RNF150: variants seen among roughly 807,000 people sequenced by gnomAD.
The protein encoded by RNF150 is ring finger protein 150.
A neutral mutation model predicts 39.3 loss-of-function variants in RNF150; 24 were observed. That is an observed-to-expected ratio of 0.61 (90% CI 0.44 to 0.86). The LOEUF (loss-of-function observed/expected upper bound fraction) is 0.86, where lower values mean the gene tolerates loss of function less well. Ranked by LOEUF, RNF150 falls within the 40% of genes least tolerant of loss-of-function variation. The probability of loss-of-function intolerance (pLI) is 0.00; values close to 1 mark genes in which losing one functional copy is unlikely to be tolerated. For missense variants in RNF150, 502 were observed against 587.8 expected (o/e 0.85, Z 1.51); for synonymous variants, 255 against 227.3 (o/e 1.12, Z -1.10).
intron 1 of RNF150, among the ~76,000 whole-genome samples, chr4:141,029,436 G>A (rs1436443139): frequency 6.6e-6 from 1 of 152,132 alleles, no homozygotes; most frequent in African/African-American, 2.4e-5. Flanking sequence ...TTCAACTCTT[G>A]TTCAGTTTAT....
At chr4:141,166,022 G>T (rs1046415962) in intron 1 of RNF150, among the ~76,000 whole-genome samples, 3 of 151,908 alleles carry the variant, frequency 2.0e-5, no homozygotes, top group African/African-American at 7.3e-5. Flanking sequence ...CTAGTTTTTT[G>T]AAAAGATTAA....
intron 1 of RNF150, among the ~76,000 whole-genome samples, chr4:141,042,069 C>A (rs2110861331): frequency 6.6e-6 from 1 of 152,068 alleles, no homozygotes; most frequent in South Asian, 2.1e-4. Flanking sequence ...AATATAAAAT[C>A]ATCAGTAAAA....
chr4:140,863,604 A>G lies in RNF150; in HGVS notation c.*4657T>C, dbSNP rs1045118456. ...TTGCAAGAGAGAAAACAAATCAGAA[A>G]AAAAGGGGAAGAGAGAAGATGGGAA... On this transcript the variant is annotated 3_prime_UTR_variant, in exon 7 of 7. Transcript: ENST00000515673. 6.6e-6 allele frequency: 1 copy of G among 152,266 alleles called. No individual in the cohort carries two copies. The highest frequency in any genetic ancestry group is 2.1e-4 in the South Asian group (1 of 4,834). 9.4% of individuals were successfully genotyped at this position (152,266 alleles called of 1,614,324 possible).
chr4:140,908,321 A>T, intron 6 of RNF150, among the ~76,000 whole-genome samples: 1 of 152,242 alleles, frequency 6.6e-6, no homozygotes, highest in East Asian at 1.9e-4. Context: ...AACCATTAAC[A>T]AATAACCAGA....
intron 1 of RNF150, among the ~76,000 whole-genome samples, chr4:141,192,437 T>C (rs1706364322): frequency 6.6e-6 from 1 of 152,222 alleles, no homozygotes; most frequent in Admixed American, 6.5e-5. Flanking sequence ...GGTAGACAGA[T>C]ATTATACAAA....
intron 2 of RNF150, among the ~76,000 whole-genome samples, chr4:140,956,430 T>A (rs971463658): frequency 1.3e-5 from 2 of 152,142 alleles, no homozygotes; most frequent in Non-Finnish European, 2.9e-5. Flanking sequence ...GAGTCTGTCA[T>A]GAATCTGGCC....
intron 1 of RNF150, among the ~76,000 whole-genome samples, chr4:141,149,349 C>A: frequency 6.6e-6 from 1 of 150,424 alleles, no homozygotes; most frequent in East Asian, 2.0e-4. Flanking sequence ...CAGCAGTGTA[C>A]CCTATACCCA....
Position 141,047,355 on chromosome 4 carries a change from G to C in RNF150, c.485-79482C>G, listed in dbSNP as rs564310166. ...CTCACACAATCCTCGCTGTCAACAG[G>C]ATTTCCATTTGCAGCTGAGACAGGC... On this transcript the variant is annotated intron_variant, in intron 1 of 6. Transcript: ENST00000515673. Among the ~76,000 whole-genome samples the C allele has an allele frequency of 1.1e-4, 17 of 152,228 alleles. No individual in the cohort carries two copies. In the South Asian group the frequency reaches 3.5e-3, roughly 32 times the overall value.
chr4:141,078,351 T>C (rs1737982258), intron 1 of RNF150, among the ~76,000 whole-genome samples: 1 of 152,106 alleles, frequency 6.6e-6, no homozygotes, highest in Non-Finnish European at 1.5e-5. Context: ...TTTGAAACGG[T>C]GTACTGGGGG....
intron 1 of RNF150, among the ~76,000 whole-genome samples, chr4:141,173,908 G>A (rs1014884777): frequency 2.6e-4 from 40 of 152,156 alleles, no homozygotes; most frequent in African/African-American, 8.9e-4. Context: ...AGCAACTGTT[G>A]TTATCAATTT....
intron 1 of RNF150, among the ~76,000 whole-genome samples, chr4:141,147,179 T>C (rs1168089279): frequency 6.6e-6 from 1 of 152,194 alleles, no homozygotes; most frequent in East Asian, 1.9e-4. Context: ...GGTGACTGTG[T>C]TTGTTATGAT....
intron 1 of RNF150, among the ~76,000 whole-genome samples, chr4:141,069,045 A>C (rs375482823): frequency 2.0e-5 from 3 of 149,784 alleles, no homozygotes; most frequent in African/African-American, 7.4e-5. Context: ...ATTGAATACC[A>C]TTTATTTCCT....
In RNF150 at chr4:140,893,195, A is replaced by G. The variant is rs60533494; in HGVS notation, c.1198+17949T>C. On this transcript the variant is annotated intron_variant, in intron 6 of 6. Transcript: ENST00000515673. ...CACCACTGCCTTATTTCATTATTTA[A>G]ATATTCCACCCATGGATGTTTTTTC... Among the ~76,000 whole-genome samples the G allele has an allele frequency of 3.6e-3, 552 of 151,568 alleles. 4 individuals carry two copies. The highest frequency in any genetic ancestry group is 0.013 in the African/African-American group (535 of 41,410).
In RNF150 at chr4:141,128,806, T is replaced by C. The variant is rs192479159; in HGVS notation, c.484+3519A>G. ...TATGAGTTGAAAGTCTGGAAAAGAA[T>C]AAATAATGGTGGGTGTAAGGTGAAA... On this transcript the variant is annotated intron_variant, in intron 1 of 6. Transcript: ENST00000515673. Among the ~76,000 whole-genome samples, 74 of 152,148 alleles carry C rather than the reference T, an allele frequency of 4.9e-4. No homozygotes were observed. In the East Asian group the frequency reaches 0.014, roughly 29 times the overall value.
intron 1 of RNF150, among the ~76,000 whole-genome samples, chr4:141,088,604 T>G (rs1738457229): frequency 6.6e-6 from 1 of 151,846 alleles, no homozygotes; most frequent in African/African-American, 2.4e-5. Context: ...ACCTGCAAAT[T>G]TGGCAACTCT....
chr4:140,934,989 TAATA>T (rs1462684929), intron 4 of RNF150, among the ~76,000 whole-genome samples: 1 of 42,116 alleles, frequency 2.4e-5, no homozygotes, highest in Admixed American at 3.1e-4. Context: ...TAAAGTGTTA[TAATA>T]TATATATATA....
chr4:141,001,845 T>C (rs73860207), intron 1 of RNF150, among the ~76,000 whole-genome samples: 11,437 of 152,210 alleles, frequency 0.075, 487 homozygotes, highest in Middle Eastern at 0.16. Flanking sequence ...AAAAATGATA[T>C]CAATTTAAAT....
At chr4:141,000,087 G>GAGAAGGAGAAGGAGA (rs1734603473) in intron 1 of RNF150, among the ~76,000 whole-genome samples, 4 of 35,936 alleles carry the variant, frequency 1.1e-4, no homozygotes, top group East Asian at 2.3e-3. Context: ...GAAGAAGAAG[G>GAGAAGGAGAAGGAGA]AGAAGAAGAA....
At chr4:141,094,978 C>T (rs1452831339) in intron 1 of RNF150, among the ~76,000 whole-genome samples, 1 of 152,018 alleles carries the variant, frequency 6.6e-6, no homozygotes, top group Non-Finnish European at 1.5e-5. Context: ...AGTGCTGTTC[C>T]CACTTAACAA....
Sources: allele counts gnomAD v4.1 joint callset (sites outside exome capture counted in the v4.1 genomes callset), GRCh38; gene constraint gnomAD v4.1.1; transcripts MANE v1.5; gene names NCBI Gene and HGNC (gene_info 2026-07-23, HGNC 2026-07-21).